PAPOLA: variants seen among roughly 807,000 people sequenced by gnomAD.
PAPOLA encodes the protein poly(A) polymerase alpha, also known as polynucleotide adenylyltransferase alpha.
PAPOLA carries 15 observed loss-of-function variants against 100.6 expected under a neutral mutation model. The ratio of observed to expected loss-of-function variants is 0.15; its 90% CI spans 0.10 to 0.23. The LOEUF (loss-of-function observed/expected upper bound fraction) is 0.23, where lower values mean the gene tolerates loss of function less well. PAPOLA is among the 10% of genes least tolerant of loss of function. The pLI is 1.00. For synonymous variants in PAPOLA, 293 were observed against 300.0 expected, an observed-to-expected ratio of 0.98 and a Z score of 0.24; for missense variants, 533 against 884.2, an observed-to-expected ratio of 0.60 and a Z score of 5.04.
At position 96,520,040 on chromosome 14, in the gene PAPOLA, C is replaced by G; in HGVS notation, c.9-15C>G. On this transcript the variant is annotated splice_polypyrimidine_tract_variant and intron_variant, in intron 1 of 21. Coordinates refer to ENST00000216277, the MANE Select transcript of PAPOLA (RefSeq NM_032632.5). ...GAATTCTTTTGGCAGTAATTGTATC[C>G]AATTTTGTTTATAGTCCAGTTACAA... The G allele has an allele frequency of 6.3e-7, 1 of 1,576,948 alleles. No homozygotes were observed.
At chr14:96,504,789 CT>C (rs963402122) in intron 1 of PAPOLA, 2 of 152,112 alleles carry the variant, frequency 1.3e-5, no homozygotes, top group African/African-American at 4.8e-5. Context: ...CATTAAGTTG[CT>C]TTGTTTTTCA....
chr14:96,502,944 A>C, intron 1 of PAPOLA: 2 of 296,208 alleles, frequency 6.8e-6, no homozygotes. Context: ...AAAACAAAAC[A>C]TTGCCTGGTG....
intron 12 of PAPOLA, chr14:96,537,712 A>G (rs1899653959): frequency 6.6e-6 from 1 of 152,014 alleles, no homozygotes; most frequent in African/African-American, 2.4e-5. Flanking sequence ...CTTATTTAAA[A>G]AACAGACAAA....
At chr14:96,522,264 G>C (rs965739655) in intron 3 of PAPOLA, among the ~76,000 whole-genome samples, 1 of 151,528 alleles carries the variant, frequency 6.6e-6, no homozygotes, top group Admixed American at 6.6e-5. Context: ...TGGGATTACA[G>C]GTGTGTGCCA....
intron 1 of PAPOLA, among the ~76,000 whole-genome samples, chr14:96,509,727 A>G (rs367838567): frequency 6.6e-6 from 1 of 152,222 alleles, no homozygotes; most frequent in East Asian, 1.9e-4. Flanking sequence ...GTAACACATT[A>G]GGAAGCATTT....
chr14:96,519,955 T>A (rs1319411083), intron 1 of PAPOLA, 100 bp from the exon 2 acceptor site: 4 of 1,023,916 alleles, frequency 3.9e-6, no homozygotes, highest in Admixed American at 2.5e-5. Context: ...ACCAATCATG[T>A]TTAGAAATGT....
chr14:96,510,892 G>C (rs1447151069), intron 1 of PAPOLA, among the ~76,000 whole-genome samples: 2 of 152,206 alleles, frequency 1.3e-5, no homozygotes, highest in Admixed American at 6.5e-5. Flanking sequence ...TGAAAAAGGA[G>C]ATTGTATTAT....
intron 3 of PAPOLA, among the ~76,000 whole-genome samples, chr14:96,521,687 C>T (rs920742055): frequency 6.6e-6 from 1 of 152,150 alleles, no homozygotes; most frequent in African/African-American, 2.4e-5. Flanking sequence ...CTGTGTTGCC[C>T]AGACTGATCT....
intron 1 of PAPOLA, among the ~76,000 whole-genome samples, chr14:96,519,477 G>GT (rs1337593929): frequency 6.6e-6 from 1 of 152,172 alleles, no homozygotes; most frequent in Non-Finnish European, 1.5e-5. Context: ...AAATAGCTGT[G>GT]TGTGTGTAAA....
chr14:96,512,110 T>A (rs1451487257), intron 1 of PAPOLA, among the ~76,000 whole-genome samples: 1 of 152,212 alleles, frequency 6.6e-6, no homozygotes, highest in Non-Finnish European at 1.5e-5. Context: ...GTAGAATTAG[T>A]TGACTTTCAA....
Position 96,502,607 on chromosome 14 carries a change from A to G in PAPOLA, c.8+7A>G, listed in dbSNP as rs200215413. The G allele has an allele frequency of 1.0e-5, 16 of 1,577,272 alleles. No homozygotes were observed. The South Asian group carries it at 1.8e-4, about 18-fold the overall frequency. On this transcript the variant is annotated splice_region_variant and intron_variant, in intron 1 of 21. Coordinates refer to ENST00000216277, the MANE Select transcript of PAPOLA (RefSeq NM_032632.5). ...CGCCGGAGACGATGCCGTTGTAAGT[A>G]ATTTGTATTCTGTTTTCTTTCGCTC... is the stretch of plus-strand genomic sequence containing the variant.
intron 19 of PAPOLA, among the ~76,000 whole-genome samples, chr14:96,560,151 C>T (rs1901718266): frequency 6.6e-6 from 1 of 152,102 alleles, no homozygotes; most frequent in Non-Finnish European, 1.5e-5. Flanking sequence ...AGGCATTTCT[C>T]AAGTCTTGTA....
At chr14:96,512,960 G>A (rs1043540741) in intron 1 of PAPOLA, among the ~76,000 whole-genome samples, 1 of 152,204 alleles carries the variant, frequency 6.6e-6, no homozygotes, top group Non-Finnish European at 1.5e-5. Context: ...CTCATTTCAA[G>A]CTTATTTCTG....
chr14:96,547,299 G>T (rs1278574369), intron 15 of PAPOLA, among the ~76,000 whole-genome samples: 1 of 151,960 alleles, frequency 6.6e-6, no homozygotes, highest in Admixed American at 6.6e-5. Flanking sequence ...TTTTGTACCT[G>T]TGACCTCTGT....
intron 20 of PAPOLA, 104 bp downstream of exon 20, chr14:96,560,815 T>C: frequency 2.6e-6 from 2 of 762,214 alleles, no homozygotes. Flanking sequence ...GTTTTAGATT[T>C]TTTTAGTATT....
At chr14:96,521,500 A>C (rs927206737) in intron 3 of PAPOLA, among the ~76,000 whole-genome samples, 4 of 151,572 alleles carry the variant, frequency 2.6e-5, no homozygotes, top group Non-Finnish European at 5.9e-5. Context: ...TTTTTTATTT[A>C]TTTTTTTTGA....
At chr14:96,535,157 T>G in intron 10 of PAPOLA, 1 of 937,840 alleles carries the variant, frequency 1.1e-6, no homozygotes, top group Non-Finnish European at 1.3e-6. Context: ...CTTTATAAAC[T>G]GATAAAAGAA....
chr14:96,505,214 G>GTTTA (rs1292815594), intron 1 of PAPOLA, among the ~76,000 whole-genome samples: 1 of 152,156 alleles, frequency 6.6e-6, no homozygotes, highest in Non-Finnish European at 1.5e-5. Flanking sequence ...GTGTATTGTA[G>GTTTA]TTTAACAGCA....
chr14:96,559,577 CTCTCTATA>C (rs1414610309), intron 19 of PAPOLA, among the ~76,000 whole-genome samples: 9 of 110,722 alleles, frequency 8.1e-5, no homozygotes, highest in Admixed American at 1.7e-4. Context: ...CTCTCTCTCT[CTCTCTATA>C]TATATATATA....
Sources: gnomAD v4.1 joint callset for allele counts (sites outside exome capture counted in the v4.1 genomes callset) on GRCh38, gnomAD v4.1.1 for gene constraint, MANE v1.5 for transcripts, NCBI Gene and HGNC (gene_info 2026-07-23, HGNC 2026-07-21) for gene names.